The following STARD13 variants were observed in gnomAD, a reference collection of about 807,000 sequenced individuals.
STARD13 encodes the protein stAR-related lipid transfer protein 13.
A neutral mutation model predicts 106.4 loss-of-function variants in STARD13; 62 were observed. That is an observed-to-expected ratio of 0.58 (90% CI 0.48 to 0.72). The LOEUF (loss-of-function observed/expected upper bound fraction) is 0.72. Among genes scored for constraint, STARD13 ranks in the 30% least tolerant of loss-of-function variants. The pLI is 0.00. For synonymous variants in STARD13, 565 were observed against 553.0 expected (o/e 1.02, Z -0.31); for missense variants, 1,387 against 1,424.0 (o/e 0.97, Z 0.42).
At chr13:33,255,098 T>TC (rs144734075) in intron 1 of STARD13, among the ~76,000 whole-genome samples, 21,798 of 136,514 alleles carry the variant, frequency 0.16, 1,869 homozygotes, top group South Asian at 0.28. Flanking sequence ...ATCTGTGTGC[T>TC]CCCCCCCCCC....
the STARD13 span, among the ~76,000 whole-genome samples, chr13:33,358,473 A>C: frequency 6.6e-6 from 1 of 152,138 alleles, no homozygotes; most frequent in Non-Finnish European, 1.5e-5. Flanking sequence ...GAGAGTCTTT[A>C]TATCTAGCTC....
intron 1 of STARD13, among the ~76,000 whole-genome samples, chr13:33,197,989 TA>T (rs1886757365): frequency 6.6e-6 from 1 of 152,058 alleles, no homozygotes; most frequent in African/African-American, 2.4e-5. Flanking sequence ...GCTAACATGG[TA>T]AAACCCCGCC....
chr13:33,601,695 T>G, the STARD13 span, among the ~76,000 whole-genome samples: 1 of 152,144 alleles, frequency 6.6e-6, no homozygotes, highest in South Asian at 2.1e-4. Flanking sequence ...GTGTTCTGAT[T>G]CCAGATCTCT....
At chr13:33,330,098 C>T (rs1230998512) in intron 1 of STARD13, among the ~76,000 whole-genome samples, 1 of 152,210 alleles carries the variant, frequency 6.6e-6, no homozygotes, top group Non-Finnish European at 1.5e-5. Flanking sequence ...CATGGGAATG[C>T]AGAGAGCTCT....
chr13:33,674,250 G>C, the STARD13 span, among the ~76,000 whole-genome samples: 4 of 152,146 alleles, frequency 2.6e-5, no homozygotes, highest in African/African-American at 9.7e-5. Flanking sequence ...TGTTCATGAA[G>C]AGTTGCATTC....
At chr13:33,499,648 CCTTCTTCTT>C in the STARD13 span, among the ~76,000 whole-genome samples, 1 of 69,666 alleles carries the variant, frequency 1.4e-5, no homozygotes, top group Admixed American at 1.6e-4. Flanking sequence ...TTCTTCTTCT[CCTTCTTCTT>C]CTTCTTCCTC....
At chr13:33,606,265 C>A in the STARD13 span, among the ~76,000 whole-genome samples, 9 of 152,036 alleles carry the variant, frequency 5.9e-5, no homozygotes, top group Non-Finnish European at 8.8e-5. Context: ...CGCACCATTG[C>A]ACTCCAGCCT....
At chr13:33,416,564 G>A in the STARD13 span, among the ~76,000 whole-genome samples, 1 of 152,144 alleles carries the variant, frequency 6.6e-6, no homozygotes, top group Non-Finnish European at 1.5e-5. Context: ...TTAAATCACA[G>A]GTTCTTTTTC....
chr13:33,621,117 A>T, the STARD13 span, among the ~76,000 whole-genome samples: 5,688 of 152,060 alleles, frequency 0.037, 328 homozygotes, highest in African/African-American at 0.13. Context: ...AGTGAAAATT[A>T]AAAAAGCATA....
chr13:33,261,431 C>A (rs766497392), intron 1 of STARD13, among the ~76,000 whole-genome samples: 1 of 152,190 alleles, frequency 6.6e-6, no homozygotes, highest in South Asian at 2.1e-4. Flanking sequence ...AATAAGCCAG[C>A]GCTCCTTTTA....
the STARD13 span, among the ~76,000 whole-genome samples, chr13:33,370,742 C>T: frequency 2.0e-5 from 3 of 151,678 alleles, no homozygotes; most frequent in Non-Finnish European, 4.4e-5. Flanking sequence ...CCTCAGCCTC[C>T]CAAGTGGCTG....
chr13:33,219,518 C>CAAAA lies in STARD13; in HGVS notation c.170-51900_170-51897dup, dbSNP rs55933962. 2.3e-3 allele frequency among the ~76,000 whole-genome samples: 139 copies of CAAAA among 61,244 alleles called. 2 individuals carry two copies. The highest frequency in any genetic ancestry group is 5.9e-3 in the African/African-American group (90 of 15,136). The allele number at this position is 61,244 out of a possible 152,430, so 40.2% of individuals were successfully genotyped here. On this transcript the variant is annotated intron_variant, in intron 1 of 13. Coordinates refer to ENST00000336934, the MANE Select transcript of STARD13 (RefSeq NM_178006.4). ...TGGGCGACAGAGTGAGACTCCTTCTCAAAAAAAAAAAAAAAAAAAAAAAAA... is the reference window on the plus strand; with the variant it reads ...TGGGCGACAGAGTGAGACTCCTTCTCAAAAAAAAAAAAAAAAAAAAAAAAAAAAA...
At chr13:33,283,693 AT>A (rs1891917498) in intron 1 of STARD13, among the ~76,000 whole-genome samples, 1 of 152,176 alleles carries the variant, frequency 6.6e-6, no homozygotes, top group Non-Finnish European at 1.5e-5. Flanking sequence ...CAAACACTCC[AT>A]TGCCCAGTAT....
At chr13:33,569,848 G>A in the STARD13 span, among the ~76,000 whole-genome samples, 1 of 147,482 alleles carries the variant, frequency 6.8e-6, no homozygotes, top group East Asian at 2.0e-4. Flanking sequence ...AATTATGCTT[G>A]TTCGTGTTAA....
chr13:33,144,583 G>A (rs768422155), intron 3 of STARD13, among the ~76,000 whole-genome samples: 4 of 152,180 alleles, frequency 2.6e-5, no homozygotes, highest in Admixed American at 2.6e-4. Context: ...CTCTGACTAC[G>A]CATTCATTAG....
At chr13:33,524,023 T>A in the STARD13 span, among the ~76,000 whole-genome samples, 5 of 152,132 alleles carry the variant, frequency 3.3e-5, no homozygotes, top group African/African-American at 1.2e-4. Flanking sequence ...CATTTTTTTC[T>A]AATTTTATAA....
the STARD13 span, among the ~76,000 whole-genome samples, chr13:33,673,689 C>T: frequency 2.4e-4 from 35 of 148,306 alleles, no homozygotes; most frequent in Admixed American, 6.1e-4. Flanking sequence ...ACTACAGGCA[C>T]ACACCACCAC....
chr13:33,511,664 T>C, the STARD13 span, among the ~76,000 whole-genome samples: 6 of 152,058 alleles, frequency 3.9e-5, no homozygotes, highest in Non-Finnish European at 7.4e-5. Flanking sequence ...GAAGAGGAAG[T>C]TGTATTGCAA....
At chr13:33,608,978 C>T in the STARD13 span, among the ~76,000 whole-genome samples, 3 of 148,146 alleles carry the variant, frequency 2.0e-5, no homozygotes, top group African/African-American at 7.5e-5. Flanking sequence ...CCCAGCTACT[C>T]GGGAGGCTGA....
Sources: allele counts gnomAD v4.1 joint callset (sites outside exome capture counted in the v4.1 genomes callset), GRCh38; gene constraint gnomAD v4.1.1; transcripts MANE v1.5; gene names NCBI Gene and HGNC (gene_info 2026-07-23, HGNC 2026-07-21).